PAX7: variants seen among roughly 807,000 people sequenced by gnomAD.
PAX7 encodes paired box 7.
PAX7 carries 18 observed loss-of-function variants against 50.7 expected under a neutral mutation model. The ratio of observed to expected loss-of-function variants is 0.36; its 90% CI spans 0.25 to 0.53. PAX7 has a LOEUF of 0.53. Ranked by LOEUF, PAX7 falls within the 20% of genes least tolerant of loss-of-function variation. The pLI, the probability that PAX7 is intolerant of heterozygous loss-of-function variation, is 0.93. For missense variants in PAX7, 644 were observed against 702.9 expected (o/e 0.92, Z 0.95); for synonymous variants, 310 against 290.4 (o/e 1.07, Z -0.69).
Position 18,746,631 on chromosome 1 carries a change from G to A in PAX7, c.*1702G>A, listed in dbSNP as rs1003906764. 8.7e-6 allele frequency: 2 copies of A among 230,810 alleles called. No homozygotes were observed. Among genetic ancestry groups the A allele is most frequent in the African/African-American group, 4.4e-5 (2 of 45,174 alleles). The allele number at this position is 230,810 out of a possible 1,614,324, so 14.3% of individuals were successfully genotyped here. On this transcript the variant is annotated 3_prime_UTR_variant, in exon 9 of 9. Transcript: ENST00000420770. ...GTTTGTCCCCATCTGGGTTCATGAG[G>A]CCACCTCTTTGCTCAATCCATGCCT...
At chr1:18,732,904 G>A (rs992532861) in intron 7 of PAX7, among the ~76,000 whole-genome samples, 4 of 152,130 alleles carry the variant, frequency 2.6e-5, no homozygotes, top group South Asian at 4.1e-4. Context: ...GGAGTCTCAC[G>A]GGAGCTGACA....
intron 4 of PAX7, among the ~76,000 whole-genome samples, chr1:18,681,833 C>A (rs1259845298): frequency 2.0e-5 from 3 of 151,856 alleles, no homozygotes; most frequent in Non-Finnish European, 4.4e-5. Flanking sequence ...CTTACTGCAA[C>A]CTCTGCCTCA....
At chr1:18,666,641 G>A (rs1405864448) in intron 4 of PAX7, among the ~76,000 whole-genome samples, 1 of 152,188 alleles carries the variant, frequency 6.6e-6, no homozygotes, top group Non-Finnish European at 1.5e-5. Flanking sequence ...GGGTTGATGG[G>A]GCCTGGAGGG....
At chr1:18,723,180 G>GGCTTCTCAA (rs141203049) in intron 7 of PAX7, among the ~76,000 whole-genome samples, 2 of 152,074 alleles carry the variant, frequency 1.3e-5, no homozygotes, top group Admixed American at 6.5e-5. Flanking sequence ...CTGCTCACAG[G>GGCTTCTCAA]GCTTCTCAAG....
chr1:18,728,753 T>TACTCAGG (rs76174120), intron 7 of PAX7, among the ~76,000 whole-genome samples: 5,981 of 150,212 alleles, frequency 0.04, 168 homozygotes, highest in East Asian at 0.099. Context: ...TAATCCCAGC[T>TACTCAGG]ACTCAGGAGG....
chr1:18,706,237 C>T (rs186368027), intron 7 of PAX7, among the ~76,000 whole-genome samples: 13 of 152,234 alleles, frequency 8.5e-5, no homozygotes, highest in Admixed American at 5.9e-4. Flanking sequence ...TGCAGGGAGA[C>T]GCCCTGTGAG....
chr1:18,707,766 T>G (rs1262188947), intron 7 of PAX7, among the ~76,000 whole-genome samples: 1 of 152,150 alleles, frequency 6.6e-6, no homozygotes, highest in Non-Finnish European at 1.5e-5. Flanking sequence ...TTCCTGCCTC[T>G]CAGAAATGCC....
At chr1:18,698,281 A>G (rs1429290949) in intron 5 of PAX7, among the ~76,000 whole-genome samples, 3 of 151,804 alleles carry the variant, frequency 2.0e-5, no homozygotes, top group Non-Finnish European at 4.4e-5. Flanking sequence ...ATACACACAC[A>G]CACACACACA....
chr1:18,701,387 T>G (rs1300832910), intron 6 of PAX7, among the ~76,000 whole-genome samples: 4 of 151,502 alleles, frequency 2.6e-5, no homozygotes, highest in African/African-American at 7.3e-5. Context: ...TGAGTGTGTG[T>G]GGGTGTGTGC....
At chr1:18,681,563 A>G (rs116697251) in intron 4 of PAX7, among the ~76,000 whole-genome samples, 1,594 of 152,258 alleles carry the variant, frequency 0.01, 27 homozygotes, top group African/African-American at 0.035. Context: ...AGGAATGTAT[A>G]CACAGTGCCC....
chr1:18,646,613 C>A (rs778522150), intron 4 of PAX7, among the ~76,000 whole-genome samples: 9 of 152,178 alleles, frequency 5.9e-5, no homozygotes, highest in Non-Finnish European at 1.3e-4. Context: ...GCCGCCCTCT[C>A]GGCACAGTCC....
At chr1:18,708,023 C>T (rs1264654677) in intron 7 of PAX7, among the ~76,000 whole-genome samples, 3 of 152,150 alleles carry the variant, frequency 2.0e-5, no homozygotes, top group African/African-American at 4.8e-5. Flanking sequence ...ATTGTCTCCC[C>T]TACCCACCCA....
chr1:18,703,447 T>G (rs2089248543), intron 7 of PAX7, 151 bp downstream of exon 7: 1 of 702,808 alleles, frequency 1.4e-6, no homozygotes, highest in Non-Finnish European at 2.4e-6. Context: ...CTCCCTGGAC[T>G]CTGTCCTGTG....
At chr1:18,639,984 G>T (rs1311557901) in intron 4 of PAX7, among the ~76,000 whole-genome samples, 1 of 151,440 alleles carries the variant, frequency 6.6e-6, no homozygotes, top group Non-Finnish European at 1.5e-5. Context: ...TTTCTCCAGG[G>T]GACGGGGCGG....
intron 7 of PAX7, among the ~76,000 whole-genome samples, chr1:18,725,582 A>G (rs2089554058): frequency 2.0e-5 from 3 of 152,206 alleles, no homozygotes; most frequent in African/African-American, 7.2e-5. Context: ...TTTCATGCTT[A>G]GTAAGGCCAG....
chr1:18,742,791 G>C (rs1931221395), intron 8 of PAX7, among the ~76,000 whole-genome samples: 1 of 152,252 alleles, frequency 6.6e-6, no homozygotes, highest in Non-Finnish European at 1.5e-5. Context: ...ACTCCAGAGA[G>C]ATTCCAGGGC....
At chr1:18,707,965 G>A (rs977810750) in intron 7 of PAX7, among the ~76,000 whole-genome samples, 5 of 152,134 alleles carry the variant, frequency 3.3e-5, no homozygotes, top group Non-Finnish European at 7.3e-5. Flanking sequence ...AGTTATATGG[G>A]CAAATGCTTT....
intron 8 of PAX7, among the ~76,000 whole-genome samples, chr1:18,743,907 A>T (rs1931284897): frequency 6.6e-6 from 1 of 152,178 alleles, no homozygotes; most frequent in African/African-American, 2.4e-5. Context: ...TGTGTGTGCA[A>T]ATGTTGCTCT....
rs2088078882 is a variant in PAX7, at chr1:18,632,884, C to T, written c.85+1196C>T. ...GCGCAAACCCGGGGATTTGCAGTGG[C>T]ACTCTCCTGTAGCGAATGCAAGTAA... On this transcript the variant is annotated intron_variant, in intron 1 of 8. Transcript: ENST00000420770. The surrounding 1 kb of genome is among the most constrained non-coding windows in gnomAD (Gnocchi z 6.3). Among the ~76,000 whole-genome samples the T allele has an allele frequency of 6.6e-6, 1 of 152,208 alleles. No homozygotes were observed. Among genetic ancestry groups the T allele is most frequent in the Admixed American group, 6.5e-5 (1 of 15,280 alleles).
Sources: gnomAD v4.1 joint callset for allele counts (sites outside exome capture counted in the v4.1 genomes callset) on GRCh38, gnomAD v4.1.1 for gene constraint, Gnocchi (gnomAD v3.1) non-coding constraint, MANE v1.5 for transcripts, NCBI Gene and HGNC (gene_info 2026-07-23, HGNC 2026-07-21) for gene names.